Variants in XPR1 observed in about 807,000 individuals in gnomAD.
The protein encoded by XPR1 is solute carrier family 53 member 1.
XPR1 carries 28 observed loss-of-function variants against 87.5 expected under a neutral mutation model. The observed-to-expected ratio is 0.32, with a 90% CI of 0.24 to 0.44. XPR1 has a LOEUF of 0.44. XPR1 is among the 20% of genes least tolerant of loss of function. The pLI is 1.00. For synonymous variants in XPR1, 300 were observed against 306.1 expected, an observed-to-expected ratio of 0.98 and a Z score of 0.21; for missense variants, 559 against 862.3, an observed-to-expected ratio of 0.65 and a Z score of 4.41.
chr1:180,638,080 G>GT (rs1183394202), intron 1 of XPR1, among the ~76,000 whole-genome samples: 1 of 151,234 alleles, frequency 6.6e-6, no homozygotes, highest in Non-Finnish European at 1.5e-5. Flanking sequence ...AAACTTTTTT[G>GT]TTTTTTTAAT....
chr1:180,739,880 A>G (rs1445040139), intron 2 of XPR1, among the ~76,000 whole-genome samples: 1 of 151,984 alleles, frequency 6.6e-6, no homozygotes, highest in Non-Finnish European at 1.5e-5. Context: ...AGCTGAGACT[A>G]TAGGCGCTTT....
chr1:180,712,984 T>G (rs1266849067), intron 2 of XPR1, among the ~76,000 whole-genome samples: 1 of 150,672 alleles, frequency 6.6e-6, no homozygotes, highest in East Asian at 1.9e-4. Context: ...TTCTAGGTCC[T>G]TTGCATTTTC....
chr1:180,704,813 TG>T (rs1367421752), intron 2 of XPR1, among the ~76,000 whole-genome samples: 70 of 141,058 alleles, frequency 5.0e-4, no homozygotes, highest in African/African-American at 1.8e-3. Flanking sequence ...GACTGTTGGT[TG>T]TTTTTTTTTT....
chr1:180,752,680 T>C (rs993475238), intron 2 of XPR1, among the ~76,000 whole-genome samples: 1 of 152,222 alleles, frequency 6.6e-6, no homozygotes, highest in Non-Finnish European at 1.5e-5. Context: ...TTTGATTTAA[T>C]AGATCCCAGA....
intron 1 of XPR1, among the ~76,000 whole-genome samples, chr1:180,659,405 TTCCTTCC>T (rs1655680619): frequency 8.3e-6 from 1 of 120,204 alleles, no homozygotes; most frequent in Admixed American, 7.9e-5. Context: ...CCTTCCTTCC[TTCCTTCC>T]TTCCTTCCTT....
At chr1:180,778,413 A>C (rs530281111) in intron 2 of XPR1, among the ~76,000 whole-genome samples, 53 of 152,202 alleles carry the variant, frequency 3.5e-4, no homozygotes, top group Admixed American at 1.3e-4. Context: ...TCCACTTCTC[A>C]TAGAATAACA....
intron 11 of XPR1, among the ~76,000 whole-genome samples, chr1:180,860,000 C>T (rs543963546): frequency 3.3e-5 from 5 of 152,046 alleles, no homozygotes; most frequent in Admixed American, 2.6e-4. Flanking sequence ...AAATTTCAGA[C>T]AATGCAATAA....
intron 2 of XPR1, among the ~76,000 whole-genome samples, chr1:180,741,897 G>T (rs1030352294): frequency 1.3e-5 from 2 of 152,168 alleles, no homozygotes; most frequent in African/African-American, 4.8e-5. Flanking sequence ...TTGAGGAATT[G>T]ATCTGTTTTA....
At chr1:180,811,285 T>C in intron 6 of XPR1, 122 bp from the exon 7 acceptor site, 2 of 809,344 alleles carry the variant, frequency 2.5e-6, no homozygotes, top group East Asian at 5.7e-5. Context: ...TATAAAAATT[T>C]AGAACATTAA....
chr1:180,685,720 A>G (rs1007273244), intron 2 of XPR1, among the ~76,000 whole-genome samples: 3 of 151,800 alleles, frequency 2.0e-5, no homozygotes, highest in African/African-American at 4.8e-5. Context: ...CTTGGGGAGG[A>G]TGTATGTGTC....
intron 1 of XPR1, among the ~76,000 whole-genome samples, chr1:180,671,631 T>A (rs1253931177): frequency 6.6e-6 from 1 of 152,122 alleles, no homozygotes; most frequent in Non-Finnish European, 1.5e-5. Flanking sequence ...TTCAAATGAT[T>A]CTCTTGCCTC....
chr1:180,840,566 G>GGGTGTA, intron 11 of XPR1, among the ~76,000 whole-genome samples: 1 of 136,400 alleles, frequency 7.3e-6, no homozygotes, highest in East Asian at 2.4e-4. Flanking sequence ...GTGTGTGTGT[G>GGGTGTA]TATATATATA....
intron 11 of XPR1, among the ~76,000 whole-genome samples, chr1:180,839,008 A>G (rs1219032088): frequency 5.9e-5 from 9 of 152,316 alleles, no homozygotes; most frequent in South Asian, 4.1e-4. Flanking sequence ...TCTTAATGAG[A>G]TAAATTTATG....
intron 1 of XPR1, among the ~76,000 whole-genome samples, chr1:180,666,312 A>G (rs1280419293): frequency 6.6e-6 from 1 of 152,138 alleles, no homozygotes; most frequent in Non-Finnish European, 1.5e-5. Flanking sequence ...GGGTTTTTCC[A>G]TTTCTGCAAG....
At chr1:180,650,834 G>A (rs1655270829) in intron 1 of XPR1, among the ~76,000 whole-genome samples, 1 of 152,042 alleles carries the variant, frequency 6.6e-6, no homozygotes, top group Non-Finnish European at 1.5e-5. Flanking sequence ...TATATAAAAT[G>A]GAGATAATAT....
intron 9 of XPR1, among the ~76,000 whole-genome samples, chr1:180,829,894 T>G (rs1650995534): frequency 6.6e-6 from 1 of 152,130 alleles, no homozygotes; most frequent in South Asian, 2.1e-4. Flanking sequence ...TTTCCTTATT[T>G]AATGCATTAT....
chr1:180,812,911 G>A (rs1020809862), intron 7 of XPR1, among the ~76,000 whole-genome samples: 1 of 152,020 alleles, frequency 6.6e-6, no homozygotes, highest in Non-Finnish European at 1.5e-5. Context: ...GCCTCCCAAA[G>A]TGCTGGGGTT....
chr1:180,858,523 A>G (rs73044571), intron 11 of XPR1, among the ~76,000 whole-genome samples: 2,580 of 152,272 alleles, frequency 0.017, 75 homozygotes, highest in African/African-American at 0.056. Context: ...TAGAGAAGCA[A>G]TGCTGTCTAG....
At chr1:180,865,038 G>C (rs1652341429) in intron 12 of XPR1, among the ~76,000 whole-genome samples, 1 of 152,122 alleles carries the variant, frequency 6.6e-6, no homozygotes, top group East Asian at 1.9e-4. Flanking sequence ...ATTGTATTTG[G>C]AAAAGTGTAT....
Sources: allele counts gnomAD v4.1 joint callset (sites outside exome capture counted in the v4.1 genomes callset), GRCh38; gene constraint gnomAD v4.1.1; transcripts MANE v1.5; gene names NCBI Gene and HGNC (gene_info 2026-07-23, HGNC 2026-07-21).